The following CCDC171 variants were observed in gnomAD, a reference collection of about 807,000 sequenced individuals.
CCDC171 encodes the protein coiled-coil domain-containing protein 171.
CCDC171 carries 177 observed loss-of-function variants against 168.2 expected under a neutral mutation model. The ratio of observed to expected loss-of-function variants is 1.05; its 90% CI spans 0.93 to 1.19. The LOEUF (loss-of-function observed/expected upper bound fraction) is 1.19, where lower values mean the gene tolerates loss of function less well. CCDC171 is among the 50% of genes most tolerant of loss of function. CCDC171 has a pLI of 0.00. For missense variants in CCDC171, 1,991 were observed against 1,539.0 expected, an observed-to-expected ratio of 1.29 and a Z score of -4.91; for synonymous variants, 687 against 540.8, an observed-to-expected ratio of 1.27 and a Z score of -3.75.
rs556193328 is a variant in CCDC171 at position 15,597,524 on chromosome 9, G to A, written c.675+3352G>A. Among the ~76,000 whole-genome samples the A allele has an allele frequency of 3.0e-4, 45 of 152,174 alleles. No individual in the cohort carries two copies. The East Asian group carries it at 6.8e-3, about 23-fold the overall frequency. ...TTGATCATGGTGGATAAGCTTTTTG[G>A]TGTGCTGCTGGATTCAGTTTGCCAG... On this transcript the variant is annotated intron_variant, in intron 6 of 25. Coordinates refer to ENST00000380701, the MANE Select transcript of CCDC171 (RefSeq NM_173550.4).
intron 8 of CCDC171, 99 bp from the exon 9 acceptor site, chr9:15,666,064 G>T: frequency 9.8e-7 from 1 of 1,022,776 alleles, no homozygotes; most frequent in African/African-American, 1.6e-5. Flanking sequence ...GAAGTGCTTG[G>T]ATGAATGATA....
At chr9:15,839,476 C>T (rs2060583807) in intron 21 of CCDC171, among the ~76,000 whole-genome samples, 1 of 152,084 alleles carries the variant, frequency 6.6e-6, no homozygotes, top group Non-Finnish European at 1.5e-5. Context: ...TTACTAGTTC[C>T]ATGACTTTGG....
In CCDC171 at chr9:15,867,640, T is replaced by C. The variant is rs182239317; in HGVS notation, c.3469-6892T>C. On this transcript the variant is annotated intron_variant, in intron 23 of 25. Transcript: ENST00000380701. ...TCTGACCTAGCCAAGCTAAAAATGA[T>C]ACTCCAGCTCAAGAGGGATTTTAAA... Among the ~76,000 whole-genome samples, 35 of 152,192 alleles carry C rather than the reference T, an allele frequency of 2.3e-4. 1 individual carries two copies. The South Asian group carries it at 5.8e-3, about 25-fold the overall frequency.
At chr9:15,964,149 A>T (rs1257657135) in intron 25 of CCDC171, among the ~76,000 whole-genome samples, 2 of 152,198 alleles carry the variant, frequency 1.3e-5, no homozygotes, top group Non-Finnish European at 2.9e-5. Flanking sequence ...ATAAACTTTT[A>T]TTTAAGCCAA....
intron 25 of CCDC171, among the ~76,000 whole-genome samples, chr9:15,930,186 A>C (rs1826344605): frequency 6.6e-6 from 1 of 151,680 alleles, no homozygotes; most frequent in Admixed American, 6.6e-5. Context: ...TGTTCAATCT[A>C]TACTTGTTAT....
chr9:15,594,587 C>T (rs750729180), intron 6 of CCDC171, among the ~76,000 whole-genome samples: 1 of 151,936 alleles, frequency 6.6e-6, no homozygotes, highest in Admixed American at 6.6e-5. Flanking sequence ...TCCTCTATTC[C>T]TCCACCCCTG....
intron 25 of CCDC171, among the ~76,000 whole-genome samples, chr9:15,964,451 G>C (rs1272378353): frequency 1.3e-5 from 2 of 151,870 alleles, no homozygotes; most frequent in Non-Finnish European, 2.9e-5. Context: ...CGAATTGTTT[G>C]GGAATGTATG....
At chr9:15,742,747 A>G (rs758342559) in intron 16 of CCDC171, among the ~76,000 whole-genome samples, 12 of 152,168 alleles carry the variant, frequency 7.9e-5, no homozygotes, top group Non-Finnish European at 1.6e-4. Context: ...ATACCATGCT[A>G]GTTGATTTAC....
intron 3 of CCDC171, among the ~76,000 whole-genome samples, chr9:16,002,315 A>C (rs1047648324): frequency 1.3e-5 from 2 of 151,994 alleles, no homozygotes; most frequent in Non-Finnish European, 2.9e-5. Flanking sequence ...CCTCCTATGA[A>C]AGTGGAAGAC....
chr9:15,757,765 C>T (rs778439106), intron 18 of CCDC171, among the ~76,000 whole-genome samples: 4 of 152,180 alleles, frequency 2.6e-5, no homozygotes, highest in Non-Finnish European at 4.4e-5. Flanking sequence ...GCTTGATGCC[C>T]TGCGTCCCAG....
intron 7 of CCDC171, among the ~76,000 whole-genome samples, chr9:15,637,488 C>CT (rs1369659480): frequency 6.7e-6 from 1 of 150,284 alleles, no homozygotes; most frequent in Non-Finnish European, 1.5e-5. Flanking sequence ...TATTATTATA[C>CT]TTTAAGTTTT....
At chr9:15,761,343 G>T (rs1418051502) in intron 18 of CCDC171, among the ~76,000 whole-genome samples, 1 of 152,108 alleles carries the variant, frequency 6.6e-6, no homozygotes, top group Non-Finnish European at 1.5e-5. Context: ...TACTAAGGAA[G>T]TTCAAAGTGG....
chr9:15,618,539 C>A (rs1469916936), intron 6 of CCDC171, among the ~76,000 whole-genome samples: 1 of 152,184 alleles, frequency 6.6e-6, no homozygotes, highest in East Asian at 1.9e-4. Flanking sequence ...GTTGTCCTTT[C>A]TCACTGGAGT....
In CCDC171 at chr9:16,053,800, T is replaced by G. The variant is rs570736130; in HGVS notation, n.90-6846T>G. 5.3e-5 allele frequency among the ~76,000 whole-genome samples: 8 copies of G among 152,254 alleles called. No homozygotes were observed. In the South Asian group the frequency reaches 1.7e-3, roughly 32 times the overall value. On this transcript the variant is annotated intron_variant and non_coding_transcript_variant, in intron 1 of 1. Coordinates refer to the CCDC171 transcript ENST00000478913. Reference sequence around the variant, plus strand: ...ACTTCATTTCACAGGCTTTGCAGAGTGATGGGTTTTAAAGCACAGTTTCAC... The same window carrying G: ...ACTTCATTTCACAGGCTTTGCAGAGGGATGGGTTTTAAAGCACAGTTTCAC...
At chr9:15,559,501 T>G (rs2039092751) in intron 1 of CCDC171, among the ~76,000 whole-genome samples, 1 of 152,184 alleles carries the variant, frequency 6.6e-6, no homozygotes, top group Admixed American at 6.5e-5. Flanking sequence ...CTTCTTTGTC[T>G]CTTTTGATCT....
chr9:15,971,962 T>TACCAGAATAC lies in CCDC171; in HGVS notation c.*127_*128insCCAGAATACA. On this transcript the variant is annotated 3_prime_UTR_variant, in exon 26 of 26. Coordinates refer to ENST00000380701, the MANE Select transcript of CCDC171 (RefSeq NM_173550.4). ...CAGTGGATTTAAAAAATTTGTGCGC[T>TACCAGAATAC]ATCTTGATGTATTCTGGTAGCTCTG... 1.4e-6 allele frequency: 1 copy of TACCAGAATAC among 713,948 alleles called. No homozygotes were observed. Among genetic ancestry groups the TACCAGAATAC allele is most frequent in the Admixed American group, 2.4e-5 (1 of 41,044 alleles). The allele number at this position is 713,948 out of a possible 1,614,324, so 44.2% of individuals were successfully genotyped here.
At chr9:15,729,542 T>G (rs142622784) in intron 15 of CCDC171, 68 bp from the exon 16 acceptor site, 1 of 957,706 alleles carries the variant, frequency 1.0e-6, no homozygotes, top group Admixed American at 2.4e-5. Flanking sequence ...GGGTATTTTA[T>G]TGGGGGAGAT....
intron 1 of CCDC171, among the ~76,000 whole-genome samples, chr9:15,554,174 C>A (rs1483982243): frequency 6.6e-6 from 1 of 152,158 alleles, no homozygotes; most frequent in Non-Finnish European, 1.5e-5. Flanking sequence ...CGCACGCCGC[C>A]ACGCCCGGCT....
Position 15,820,209 on chromosome 9 carries a change from T to A in CCDC171, c.3268-26493T>A, listed in dbSNP as rs565644584. Among the ~76,000 whole-genome samples the A allele has an allele frequency of 3.2e-4, 30 of 94,352 alleles. 7 individuals are homozygous for A. Among genetic ancestry groups the A allele is most frequent in the East Asian group, 1.6e-3 (6 of 3,850 alleles). 61.9% of individuals were successfully genotyped at this position (94,352 alleles called of 152,430 possible). ...CAAAGCAGTGTGTAGAGGGAAATTTTTAGCACTAAATGCCCACAAGAGAAA... is the reference window on the plus strand; with the variant it reads ...CAAAGCAGTGTGTAGAGGGAAATTTATAGCACTAAATGCCCACAAGAGAAA... On this transcript the variant is annotated intron_variant, in intron 21 of 25. Transcript: ENST00000380701.
Sources: gnomAD v4.1 joint callset for allele counts (sites outside exome capture counted in the v4.1 genomes callset) on GRCh38, gnomAD v4.1.1 for gene constraint, MANE v1.5 for transcripts, NCBI Gene and HGNC (gene_info 2026-07-23, HGNC 2026-07-21) for gene names.